Variants in SNX14 observed in about 807,000 individuals in gnomAD.
SNX14 encodes the protein sorting nexin-14.
Under a neutral mutation model 133.8 loss-of-function variants are expected in SNX14, and 93 were observed. The observed-to-expected ratio is 0.70, with a 90% CI of 0.59 to 0.83. The LOEUF is 0.83. Among genes scored for constraint, SNX14 ranks in the 40% least tolerant of loss-of-function variants. The probability of loss-of-function intolerance (pLI) is 0.00; values close to 1 mark genes in which losing one functional copy is unlikely to be tolerated. For missense variants in SNX14, 945 were observed against 1,094.9 expected (o/e 0.86, Z 1.93); for synonymous variants, 368 against 365.6 (o/e 1.01, Z -0.07).
At chr6:85,574,226 T>G in intron 2 of SNX14, 32 bp downstream of exon 2, 1 of 1,515,624 alleles carries the variant, frequency 6.6e-7, no homozygotes, top group South Asian at 1.3e-5. Context: ...TCATATACAT[T>G]GATTCTTAAC....
chr6:85,553,253 G>A (rs1007061305), intron 7 of SNX14, among the ~76,000 whole-genome samples: 1 of 152,212 alleles, frequency 6.6e-6, no homozygotes, highest in Admixed American at 6.5e-5. Flanking sequence ...ATCTGCATTT[G>A]TGGGTTTAAA....
At chr6:85,575,773 G>T (rs1297468246) in intron 1 of SNX14, among the ~76,000 whole-genome samples, 1 of 152,190 alleles carries the variant, frequency 6.6e-6, no homozygotes, top group African/African-American at 2.4e-5. Context: ...TGTCCCAGAA[G>T]AAGTGACACC....
intron 21 of SNX14, among the ~76,000 whole-genome samples, chr6:85,518,316 C>CA (rs1775746483): frequency 6.6e-6 from 1 of 152,036 alleles, no homozygotes; most frequent in African/African-American, 2.4e-5. Flanking sequence ...GGGTTGATAA[C>CA]AACGTTGAGT....
At chr6:85,556,441 G>C (rs1789817690) in intron 7 of SNX14, among the ~76,000 whole-genome samples, 1 of 149,606 alleles carries the variant, frequency 6.7e-6, no homozygotes, top group East Asian at 2.0e-4. Context: ...GAAAAAGAAA[G>C]TTATGCGTAC....
At chr6:85,545,371 T>C (rs899019715) in intron 12 of SNX14, among the ~76,000 whole-genome samples, 18 of 152,114 alleles carry the variant, frequency 1.2e-4, no homozygotes, top group African/African-American at 4.3e-4. Flanking sequence ...GATTACTAAA[T>C]TAGGTTTTTT....
chr6:85,543,199 A>G lies in SNX14; in HGVS notation c.1372T>C (p.Phe458Leu). ...TGACTTACCTCATCACTATGGCAGA[A>G]CATAGGAGTAAATACATTCTCCAAA... ...SLLENVFTPM[F>L]CHSDEYFRQL... The change falls in exon 14 of 29, where the codon TTC (phenylalanine) becomes CTC (leucine). Residue 458 changes from phenylalanine to leucine, a missense_variant. Phe to Leu is a conservative substitution (Grantham distance 22). This residue lies in a region of SNX14 where 514 missense variants were observed against 538.8 expected (regional missense o/e 0.95). Transcript: ENST00000314673. 6.4e-7 allele frequency: 1 copy of G among 1,571,926 alleles called. No homozygotes were observed. Among genetic ancestry groups the G allele is most frequent in the Non-Finnish European group, 8.6e-7 (1 of 1,163,676 alleles).
intron 6 of SNX14, among the ~76,000 whole-genome samples, chr6:85,563,121 G>C (rs1792323492): frequency 6.6e-6 from 1 of 151,440 alleles, no homozygotes; most frequent in African/African-American, 2.4e-5. Flanking sequence ...TCTTTTTTTT[G>C]TGAACTACTG....
At chr6:85,515,277 A>AAAC (rs1172901444) in intron 23 of SNX14, among the ~76,000 whole-genome samples, 1 of 148,350 alleles carries the variant, frequency 6.7e-6, no homozygotes, top group East Asian at 2.0e-4. Context: ...AAAAAAAAAA[A>AAAC]AAAAAAAAAA....
At chr6:85,517,118 T>C (rs1030739424) in intron 23 of SNX14, among the ~76,000 whole-genome samples, 1 of 152,206 alleles carries the variant, frequency 6.6e-6, no homozygotes, top group Non-Finnish European at 1.5e-5. Flanking sequence ...TTACTAAAAC[T>C]AATGTTAAGT....
At chr6:85,515,262 CAAAAAAAAAAA>C (rs751549621) in intron 23 of SNX14, among the ~76,000 whole-genome samples, 6 of 22,770 alleles carry the variant, frequency 2.6e-4, no homozygotes, top group East Asian at 1.5e-3. Flanking sequence ...GCAAGACCGT[CAAAAAAAAAAA>C]AAAAAAAAAA....
At chr6:85,526,362 C>A in intron 20 of SNX14, 125 bp from the exon 21 acceptor site, 1 of 648,678 alleles carries the variant, frequency 1.5e-6, no homozygotes, top group Non-Finnish European at 2.7e-6. Flanking sequence ...AATAACAAAG[C>A]AACTGCATTT....
rs564687152 is a variant in SNX14 at position 85,580,184 on chromosome 6, T to C, written c.141-5806A>G. On this transcript the variant is annotated intron_variant, in intron 1 of 28. Coordinates refer to ENST00000314673, the MANE Select transcript of SNX14 (RefSeq NM_153816.6). ...GAAGACAGGGAACTGGGCAGAGTAA[T>C]GAGGCCCTCATTCCAGGCCCTAGCT... Among the ~76,000 whole-genome samples, 5 of 152,206 alleles carry C rather than the reference T, an allele frequency of 3.3e-5. 1 individual carries two copies. The South Asian group carries it at 1.0e-3, about 32-fold the overall frequency.
At chr6:85,583,069 C>A (rs377368757) in intron 1 of SNX14, among the ~76,000 whole-genome samples, 1 of 152,044 alleles carries the variant, frequency 6.6e-6, no homozygotes, top group Non-Finnish European at 1.5e-5. Flanking sequence ...ATGATCAAGT[C>A]GGCTTCATCC....
At chr6:85,508,319 G>C in intron 26 of SNX14, 3 of 702,448 alleles carry the variant, frequency 4.3e-6, no homozygotes, top group Non-Finnish European at 3.4e-6. Context: ...AAATGCTGCA[G>C]TAAAAAAAAA....
chr6:85,567,419 T>G, intron 5 of SNX14, 115 bp downstream of exon 5: 1 of 776,746 alleles, frequency 1.3e-6, no homozygotes, highest in Non-Finnish European at 2.0e-6. Flanking sequence ...GGCTAAAAGG[T>G]CAACAATGAC....
chr6:85,540,576 T>A (rs541321541), intron 15 of SNX14, among the ~76,000 whole-genome samples: 43 of 152,250 alleles, frequency 2.8e-4, no homozygotes, highest in Non-Finnish European at 4.1e-4. Flanking sequence ...TACAAAGTGG[T>A]ATTTTTGCAA....
rs553047040 is a variant in SNX14, at chr6:85,549,820, C to A, written c.694G>T (p.Val232Phe). The A allele has an allele frequency of 6.2e-7, 1 of 1,613,962 alleles. No homozygotes were observed. The highest frequency in any genetic ancestry group is 1.7e-5 in the Admixed American group (1 of 60,010). The change falls in exon 8 of 29, where the codon GTT (valine) becomes TTT (phenylalanine). Residue 232 changes from valine (V) to phenylalanine (F), a missense_variant. Val to Phe is a conservative substitution (Grantham distance 50). Coordinates refer to ENST00000314673, the MANE Select transcript of SNX14 (RefSeq NM_153816.6). ...TCATCTCTTCGACTTCTCAAAGCAACATGAAGCTCTGGACCATATTCTTCT... is the reference window on the plus strand; with the variant it reads ...TCATCTCTTCGACTTCTCAAAGCAAAATGAAGCTCTGGACCATATTCTTCT... ...ALEEYGPELH[V>F]ALRSRRDELH...
chr6:85,536,641 T>C (rs1484145026), intron 17 of SNX14, 151 bp downstream of exon 17: 3 of 666,434 alleles, frequency 4.5e-6, no homozygotes, highest in Non-Finnish European at 2.3e-6. Context: ...GAATGAGAAA[T>C]ACAAAGGAAG....
chr6:85,558,363 TA>T (rs1790430323), intron 6 of SNX14, among the ~76,000 whole-genome samples: 1 of 152,232 alleles, frequency 6.6e-6, no homozygotes, highest in Non-Finnish European at 1.5e-5. Flanking sequence ...AAAACTCCAG[TA>T]ACTTATTATC....
Sources: gnomAD v4.1 joint callset for allele counts (sites outside exome capture counted in the v4.1 genomes callset) on GRCh38, gnomAD v4.1.1 for gene constraint, gnomAD v4.1.1 regional missense constraint, MANE v1.5 for transcripts, NCBI Gene and HGNC (gene_info 2026-07-23, HGNC 2026-07-21) for gene names.